Variants in TPM1 observed in about 807,000 individuals in gnomAD.
The protein encoded by TPM1 is tropomyosin alpha-1 chain.
Under a neutral mutation model 42.9 loss-of-function variants are expected in TPM1, and 24 were observed. The ratio of observed to expected loss-of-function variants is 0.56; its 90% CI spans 0.41 to 0.79. The LOEUF (loss-of-function observed/expected upper bound fraction) is 0.79. TPM1 is among the 30% of genes least tolerant of loss of function. The pLI, the probability that TPM1 is intolerant of heterozygous loss-of-function variation, is 0.00. For synonymous variants in TPM1, 136 were observed against 130.1 expected, an observed-to-expected ratio of 1.05 and a Z score of -0.31; for missense variants, 158 against 351.8, an observed-to-expected ratio of 0.45 and a Z score of 4.41.
rs200173919 is a variant in TPM1, at chr15:63,060,898, C to T, written c.522C>T (p.Ser174=). The T allele has an allele frequency of 7.4e-5, 119 of 1,614,126 alleles. No individual in the cohort carries two copies. The highest frequency in any genetic ancestry group is 2.0e-4 in the East Asian group (9 of 44,892). The change falls in exon 5 of 10, where the codon AGC becomes AGT. Residue 174 remains serine, a synonymous_variant. Coordinates refer to ENST00000403994, the MANE Select transcript of TPM1 (RefSeq NM_001018005.2). The part of the protein sequence containing the change: ...EVARKLVIIE[S]DLERAEERAE... The stretch of plus-strand genomic sequence containing the variant: ...CCCGTAAGCTGGTCATCATTGAGAG[C>T]GACCTGGAACGTGCAGAGGAGCGGG...
At chr15:63,059,347 TGA>T (rs1160076073) in intron 3 of TPM1, among the ~76,000 whole-genome samples, 3 of 152,210 alleles carry the variant, frequency 2.0e-5, no homozygotes, top group Non-Finnish European at 4.4e-5. Context: ...GTACTCAAAG[TGA>T]GAGAGTTCAT....
Position 63,061,792 on chromosome 15 carries a change from G to A in TPM1, c.639+4G>A, listed in dbSNP as rs773261983. The A allele has an allele frequency of 6.2e-7, 1 of 1,614,034 alleles. No individual in the cohort carries two copies. Among genetic ancestry groups the A allele is most frequent in the South Asian group, 1.1e-5 (1 of 91,078 alleles). On this transcript the variant is annotated splice_donor_region_variant and intron_variant, in intron 6 of 9. Transcript: ENST00000403994. ...ACTGGAGGCTCAGGCTGAGAAGGTA[G>A]GCCAGGAGGATGGTGTGGGGGAAAG... is the stretch of plus-strand genomic sequence containing the variant.
At chr15:63,065,785 T>C in intron 9 of TPM1, 111 bp from the exon 10 acceptor site, 1 of 1,418,158 alleles carries the variant, frequency 7.1e-7, no homozygotes, top group South Asian at 1.3e-5. Context: ...GCATGACTGC[T>C]TCTTGTCTGT....
At chr15:63,058,493 G>A (rs1264639359) in intron 3 of TPM1, among the ~76,000 whole-genome samples, 1 of 152,078 alleles carries the variant, frequency 6.6e-6, no homozygotes, top group Non-Finnish European at 1.5e-5. Context: ...GATCACTTGA[G>A]GCCAGGGATT....
downstream of TPM1, chr15:63,069,950 G>A (rs755864491): frequency 1.2e-6 from 2 of 1,613,850 alleles, no homozygotes; most frequent in Admixed American, 1.7e-5. Flanking sequence ...TTAAACTTAA[G>A]AGTGAAAAAA....
At chr15:63,070,823 C>T, downstream of TPM1, 13 of 1,260,666 alleles carry the variant, frequency 1.0e-5, no homozygotes, top group Non-Finnish European at 1.3e-5. Flanking sequence ...CTTCACCAAA[C>T]CCCACGTGCA....
chr15:63,050,734 G>C (rs1326506773), intron 2 of TPM1, among the ~76,000 whole-genome samples: 1 of 152,236 alleles, frequency 6.6e-6, no homozygotes, highest in Non-Finnish European at 1.5e-5. Context: ...CCATTGAAGA[G>C]AGACTTTCAG....
chr15:63,061,009 C>T, intron 5 of TPM1, 70 bp downstream of exon 5: 13 of 1,579,858 alleles, frequency 8.2e-6, no homozygotes, highest in Non-Finnish European at 1.1e-5. Context: ...GCATGACCTT[C>T]TGGCAGCTGC....
chr15:63,070,849 A>C, downstream of TPM1: 1 of 1,302,162 alleles, frequency 7.7e-7, no homozygotes, highest in Non-Finnish European at 9.9e-7. Flanking sequence ...TCCTCAGTGA[A>C]TTGTTGGTGG....
rs756230680 is a variant in TPM1, at chr15:63,060,951, C to T, written c.563+12C>T. 4.0e-5 allele frequency: 65 copies of T among 1,613,702 alleles called. No homozygotes were observed. The highest frequency in any genetic ancestry group is 3.2e-4 in the Admixed American group (19 of 59,994). ...GAGCTCTCAGAAGGGTAAGCGGGCC[C>T]GGCGCCAGGAGGCCACGAATGGGGT... is the stretch of plus-strand genomic sequence containing the variant. On this transcript the variant is annotated intron_variant, in intron 5 of 9. Transcript: ENST00000403994.
Position 63,062,234 on chromosome 15 carries a change from G to A in TPM1, c.659G>A (p.Arg220Lys), listed in dbSNP as rs763069444. Residue 220 changes from arginine (R) to lysine (K), a missense_variant, in exon 7 of 10, where the codon AGA becomes AAA. Around this residue, in one of 4 missense-constraint regions of TPM1, gnomAD observed 64 missense variants for 95.8 expected, o/e 0.67. Coordinates refer to ENST00000403994, the MANE Select transcript of TPM1 (RefSeq NM_001018005.2). ...QAEKYSQKED[R>K]YEEEIKVLSD... ...TTACAGTACTCGCAGAAGGAAGACA[G>A]ATATGAGGAAGAGATCAAGGTCCTT... The A allele has an allele frequency of 6.2e-7, 1 of 1,614,136 alleles. No homozygotes were observed. Among genetic ancestry groups the A allele is most frequent in the South Asian group, 1.1e-5 (1 of 91,084 alleles).
intron 1 of TPM1, chr15:63,043,715 G>T (rs1448219045): frequency 6.5e-7 from 1 of 1,547,210 alleles, no homozygotes; most frequent in Admixed American, 2.0e-5. Context: ...GCTCGAGGAG[G>T]ACATCGCGGC....
chr15:63,066,414 CTTG>C (rs1736830839), downstream of TPM1, among the ~76,000 whole-genome samples: 1 of 152,104 alleles, frequency 6.6e-6, no homozygotes, highest in Admixed American at 6.5e-5. Context: ...GGGGACATTG[CTTG>C]TTGAGAGTTG....
downstream of TPM1, chr15:63,070,890 T>A (rs573955623): frequency 3.5e-5 from 48 of 1,368,504 alleles, no homozygotes; most frequent in South Asian, 6.1e-4. Flanking sequence ...TGAGAATCCG[T>A]GCCATGGCTC....
exon 9 of TPM1, chr15:63,071,727 G>C (rs956365045): frequency 2.4e-5 from 4 of 167,940 alleles, no homozygotes; most frequent in Non-Finnish European, 5.2e-5. Context: ...TTTCTGATTG[G>C]CACACGTGCA....
rs1222579354 is a variant in TPM1 at position 63,062,578 on chromosome 15, T to C, written c.705T>C (p.Ala235=). The change falls in exon 8 of 10, where the codon GCT becomes GCC. Residue 235 remains alanine, a splice_region_variant and synonymous_variant. Transcript: ENST00000403994. ...IKVLSDKLKE[A]ETRAEFAERS... is the part of the protein sequence containing the mutation. The stretch of plus-strand genomic sequence containing the variant: ...TTAACTCAAATAAATCATTACAGGC[T>C]GAGACTCGGGCTGAGTTTGCGGAGA... 1.2e-6 allele frequency: 2 copies of C among 1,614,014 alleles called. No individual in the cohort carries two copies. Among genetic ancestry groups the C allele is most frequent in the Admixed American group, 1.7e-5 (1 of 59,998 alleles).
At chr15:63,062,189 A>G (rs2035726710) in intron 6 of TPM1, 26 bp from the exon 7 acceptor site, 1 of 1,609,740 alleles carries the variant, frequency 6.2e-7, no homozygotes, top group South Asian at 1.1e-5. Context: ...GCAGCCTGAC[A>G]TCTGGAATGC....
chr15:63,070,390 T>C, downstream of TPM1: 1 of 996,624 alleles, frequency 1.0e-6, no homozygotes, highest in South Asian at 4.3e-5. Flanking sequence ...GTTTGAAATA[T>C]GATTAAATGT....
intron 2 of TPM1, among the ~76,000 whole-genome samples, chr15:63,052,067 T>G (rs2033987907): frequency 6.6e-6 from 1 of 152,164 alleles, no homozygotes; most frequent in Non-Finnish European, 1.5e-5. Context: ...AGGAAGTTAC[T>G]TAAAAACATC....
Sources: gnomAD v4.1 joint callset for allele counts (sites outside exome capture counted in the v4.1 genomes callset) on GRCh38, gnomAD v4.1.1 for gene constraint, gnomAD v4.1.1 regional missense constraint, MANE v1.5 for transcripts, NCBI Gene and HGNC (gene_info 2026-07-23, HGNC 2026-07-21) for gene names.